VWA8: variants seen among roughly 807,000 people sequenced by gnomAD.
The protein encoded by VWA8 is von Willebrand factor A domain containing 8, also known as von Willebrand factor A domain-containing protein 8.
In VWA8, 221 loss-of-function variants were observed where a neutral mutation model predicts 241.5. The observed-to-expected ratio is 0.91, with a 90% CI of 0.82 to 1.02. VWA8 has a LOEUF of 1.02. Ranked by LOEUF, VWA8 falls within the 50% of genes least tolerant of loss-of-function variation. The probability of loss-of-function intolerance (pLI) is 0.00; values close to 1 mark genes in which losing one functional copy is unlikely to be tolerated. For missense variants in VWA8, 2,322 were observed against 2,328.7 expected, an observed-to-expected ratio of 1.00 and a Z score of 0.06; for synonymous variants, 852 against 827.1, an observed-to-expected ratio of 1.03 and a Z score of -0.52.
chr13:41,715,880 T>A (rs1187304242), intron 26 of VWA8, among the ~76,000 whole-genome samples: 1 of 152,058 alleles, frequency 6.6e-6, no homozygotes, highest in Non-Finnish European at 1.5e-5. Flanking sequence ...ATCTTGAGTG[T>A]GGGGATGATC....
chr13:41,614,375 A>T (rs1593650821), intron 38 of VWA8, among the ~76,000 whole-genome samples: 1 of 152,158 alleles, frequency 6.6e-6, no homozygotes, highest in South Asian at 2.1e-4. Flanking sequence ...CAGCTGCCGC[A>T]GAGGAAAAAG....
At chr13:41,854,028 T>C (rs1872635079) in intron 12 of VWA8, among the ~76,000 whole-genome samples, 1 of 152,210 alleles carries the variant, frequency 6.6e-6, no homozygotes, top group African/African-American at 2.4e-5. Context: ...TGATAGAATC[T>C]TAACAACAGT....
chr13:41,958,525 A>G (rs1343487660), intron 1 of VWA8, among the ~76,000 whole-genome samples: 1 of 152,240 alleles, frequency 6.6e-6, no homozygotes, highest in Non-Finnish European at 1.5e-5. Flanking sequence ...TCATCCCAAC[A>G]TAAGATGTAA....
chr13:41,582,424 T>C (rs1475717789), intron 42 of VWA8, among the ~76,000 whole-genome samples: 2 of 151,588 alleles, frequency 1.3e-5, no homozygotes, highest in African/African-American at 4.9e-5. Flanking sequence ...CTTCTGAAGG[T>C]TTCAAAGCAA....
Position 41,615,033 on chromosome 13 carries a change from T to A in VWA8, c.4663A>T (p.Lys1555Ter). Residue 1555 changes from lysine (K) to a stop codon, truncating the protein, a stop_gained, in exon 38 of 45, where the codon AAG (lysine) becomes TAG (stop). Transcript: ENST00000379310. LOFTEE classifies it high-confidence loss of function. ...TGAGGCATGTTGTCTGGGTCCTCCT[T>A]CCCGTGTTTGGGGGAGCTTACATCT... ...GEDVSSPKHG[K>*]EDPDNMPHVG... 2 of 1,613,958 alleles carry A rather than the reference T, an allele frequency of 1.2e-6. No individual in the cohort carries two copies. Among genetic ancestry groups the A allele is most frequent in the African/African-American group, 1.3e-5 (1 of 75,040 alleles).
At chr13:41,899,617 A>C (rs1374298196) in intron 4 of VWA8, among the ~76,000 whole-genome samples, 3 of 152,222 alleles carry the variant, frequency 2.0e-5, no homozygotes, top group African/African-American at 7.2e-5. Flanking sequence ...TTCTTCCTTA[A>C]AATAGCCTAT....
chr13:41,713,202 A>T (rs1039967976), intron 26 of VWA8, among the ~76,000 whole-genome samples: 1 of 152,244 alleles, frequency 6.6e-6, no homozygotes, highest in African/African-American at 2.4e-5. Flanking sequence ...ATTTTCATTT[A>T]AATAAGAGGA....
intron 2 of VWA8, among the ~76,000 whole-genome samples, chr13:41,927,648 G>C (rs36057243): frequency 2.0e-5 from 3 of 151,984 alleles, no homozygotes; most frequent in Non-Finnish European, 2.9e-5. Flanking sequence ...AAAGCATAGT[G>C]TTATAGAAAA....
In VWA8 at chr13:41,761,183, C is replaced by T. The variant is rs1367972497; in HGVS notation, c.2371G>A (p.Val791Ile). The T allele has an allele frequency of 1.2e-6, 2 of 1,611,490 alleles. No homozygotes were observed. The highest frequency in any genetic ancestry group is 1.7e-6 in the Non-Finnish European group (2 of 1,178,392). Residue 791 changes from valine to isoleucine, a missense_variant, in exon 21 of 45, where the codon GTT (valine) becomes ATT (isoleucine). Transcript: ENST00000379310. ...TTGAGCAGGTGAAGGAATCTGTCAA[C>T]AATCTTGTTTTTTCCTACACCCTGT... is the stretch of plus-strand genomic sequence containing the variant. ...GNQGVGKNKI[V>I]DRFLHLLNRP...
intron 12 of VWA8, among the ~76,000 whole-genome samples, chr13:41,849,570 A>G (rs7990886): frequency 0.088 from 13,380 of 152,166 alleles, 708 homozygotes; most frequent in African/African-American, 0.15. Flanking sequence ...CTCCTAATCA[A>G]AATTACTGTA....
rs146332519 is a variant in VWA8, at chr13:41,803,942, G to C, written c.2063+7283C>G. 2.6e-4 allele frequency among the ~76,000 whole-genome samples: 39 copies of C among 152,220 alleles called. 1 individual carries two copies. The East Asian group carries it at 7.3e-3, about 29-fold the overall frequency. ...CAACAGCAAAATTGATCAAGCAAAA[G>C]AAACAATTAGTAAGCTTGAAGACAG... On this transcript the variant is annotated intron_variant, in intron 17 of 44. Transcript: ENST00000379310.
intron 42 of VWA8, among the ~76,000 whole-genome samples, chr13:41,581,352 A>T (rs891054028): frequency 6.6e-5 from 10 of 152,218 alleles, no homozygotes; most frequent in Admixed American, 1.3e-4. Context: ...TCCAGAAAGA[A>T]AGCCCTCAGA....
intron 21 of VWA8, among the ~76,000 whole-genome samples, chr13:41,746,964 G>A (rs1315273260): frequency 6.6e-6 from 1 of 152,152 alleles, no homozygotes; most frequent in Admixed American, 6.6e-5. Context: ...CATGGATTCA[G>A]CACAATAAAC....
At position 41,699,234 on chromosome 13, in the gene VWA8, T is replaced by C. The variant is rs947983066; in HGVS notation, c.3401A>G (p.Asn1134Ser). The change falls in exon 29 of 45, where the codon AAT becomes AGT. Residue 1134 changes from asparagine to serine, a missense_variant. Transcript: ENST00000379310. ...ATTCATAAAGTACAGGGAAGCGGGA[T>C]TGCATGTAACTACATAGAGAGTATT... ...EQNTLYVVTCNPASLYFMNMT... is the reference protein window; with the variant it reads ...EQNTLYVVTCSPASLYFMNMT... The C allele has an allele frequency of 5.6e-6, 9 of 1,614,180 alleles. No individual in the cohort carries two copies. Among genetic ancestry groups the C allele is most frequent in the East Asian group, 2.2e-5 (1 of 44,864 alleles).
At chr13:41,838,672 A>G (rs1400543594) in intron 12 of VWA8, among the ~76,000 whole-genome samples, 1 of 152,204 alleles carries the variant, frequency 6.6e-6, no homozygotes, top group Admixed American at 6.5e-5. Context: ...GGAAAAAATA[A>G]TATGCAAAAT....
intron 1 of VWA8, among the ~76,000 whole-genome samples, chr13:41,958,325 G>A (rs1194985608): frequency 6.6e-6 from 1 of 152,200 alleles, no homozygotes; most frequent in Non-Finnish European, 1.5e-5. Context: ...GGTACAAAGT[G>A]TTGGCAGGCA....
In VWA8 at chr13:41,909,669, C is replaced by T. The variant is rs544119531; in HGVS notation, c.373-1973G>A. On this transcript the variant is annotated intron_variant, in intron 3 of 44. Transcript: ENST00000379310. ...TTGTTAAACTGCACAGAGTTACACC[C>T]TGAACTGCTACATGATCATTATCCT... 3.9e-4 allele frequency among the ~76,000 whole-genome samples: 60 copies of T among 152,280 alleles called. 1 individual carries two copies. In the South Asian group the frequency reaches 0.012, roughly 31 times the overall value.
At chr13:41,889,935 T>G (rs7326360) in intron 5 of VWA8, among the ~76,000 whole-genome samples, 34,509 of 152,198 alleles carry the variant, frequency 0.23, 3,992 homozygotes, top group East Asian at 0.29. Context: ...ACGTTCTGCA[T>G]AATAGCCTTT....
At chr13:41,809,497 T>A (rs565049166) in intron 17 of VWA8, among the ~76,000 whole-genome samples, 1 of 152,094 alleles carries the variant, frequency 6.6e-6, no homozygotes. Flanking sequence ...AGACCATACA[T>A]TGGGGAAAGG....
Sources: gnomAD v4.1 joint callset for allele counts (sites outside exome capture counted in the v4.1 genomes callset) on GRCh38, gnomAD v4.1.1 for gene constraint, MANE v1.5 for transcripts, NCBI Gene and HGNC (gene_info 2026-07-23, HGNC 2026-07-21) for gene names.